The following SMARCA2 variants were observed in gnomAD, a reference collection of about 807,000 sequenced individuals.
The protein encoded by SMARCA2 is SWI/SNF-related matrix-associated actin-dependent regulator of chromatin subfamily A member 2.
Under a neutral mutation model 199.8 loss-of-function variants are expected in SMARCA2, and 61 were observed. The observed-to-expected ratio is 0.31, with a 90% CI of 0.25 to 0.38. The LOEUF is 0.38. Among genes scored for constraint, SMARCA2 ranks in the 10% least tolerant of loss-of-function variants. The pLI is 1.00. For missense variants in SMARCA2, 1,344 were observed against 2,012.2 expected (o/e 0.67, Z 6.35); for synonymous variants, 935 against 732.0 (o/e 1.28, Z -4.48).
chr9:2,018,776 G>A (rs1818473238), intron 1 of SMARCA2, among the ~76,000 whole-genome samples: 1 of 152,162 alleles, frequency 6.6e-6, no homozygotes, highest in Non-Finnish European at 1.5e-5. Flanking sequence ...CATACCCAAT[G>A]TTATGTGTGT....
chr9:2,122,418 T>A (rs893654207), intron 26 of SMARCA2, among the ~76,000 whole-genome samples: 1 of 152,168 alleles, frequency 6.6e-6, no homozygotes, highest in African/African-American at 2.4e-5. Flanking sequence ...GCAACCTCTG[T>A]GTGCCAGTTA....
chr9:2,133,880 C>A (rs903174100), intron 27 of SMARCA2, among the ~76,000 whole-genome samples: 59 of 152,136 alleles, frequency 3.9e-4, no homozygotes, highest in African/African-American at 1.4e-3. Context: ...AGAGTACATG[C>A]CTTGAAATCT....
At position 2,161,906 on chromosome 9, in the gene SMARCA2, G is replaced by T; in HGVS notation, c.4199+3G>T. The T allele has an allele frequency of 6.2e-7, 1 of 1,611,486 alleles. No homozygotes were observed. Among genetic ancestry groups the T allele is most frequent in the Non-Finnish European group, 8.5e-7 (1 of 1,177,890 alleles). ...ACTGTGATAAACTACAAAGATAGGT[G>T]AGTGTTTGGTTCCTTCACCTTGATC... On this transcript the variant is annotated splice_donor_region_variant and intron_variant, in intron 28 of 33. Coordinates refer to ENST00000349721, the MANE Select transcript of SMARCA2 (RefSeq NM_003070.5). The surrounding 1 kb of genome is among the most constrained non-coding windows in gnomAD (Gnocchi z 4.7).
intron 27 of SMARCA2, among the ~76,000 whole-genome samples, chr9:2,133,230 T>C (rs1341566085): frequency 1.3e-5 from 2 of 152,256 alleles, no homozygotes; most frequent in Non-Finnish European, 2.9e-5. Flanking sequence ...TTTAGGAATT[T>C]GTATTATATT....
chr9:2,129,589 G>T (rs1823850326), intron 27 of SMARCA2, among the ~76,000 whole-genome samples: 1 of 152,132 alleles, frequency 6.6e-6, no homozygotes, highest in African/African-American at 2.4e-5. Flanking sequence ...TTTCAATGGG[G>T]TTTCACAATG....
Position 2,047,083 on chromosome 9 carries a change from CTT to C in SMARCA2, c.791-134_791-133del, listed in dbSNP as rs113139565. 2,870 of 381,868 alleles carry C rather than the reference CTT, an allele frequency of 7.5e-3. 11 individuals are homozygous for C. Among genetic ancestry groups the C allele is most frequent in the African/African-American group, 0.025 (1,072 of 43,698 alleles). The allele number at this position is 381,868 out of a possible 1,614,324, so 23.7% of individuals were successfully genotyped here. ...CTCCCTCCTCTTCCTTCTTGCCCTC[CTT>C]TTTTTTTTTTTCCTTCTCTTCCCTC... is the stretch of plus-strand genomic sequence containing the variant. On this transcript the variant is annotated intron_variant, in intron 4 of 33. Transcript: ENST00000349721.
intron 19 of SMARCA2, among the ~76,000 whole-genome samples, chr9:2,091,033 G>A (rs1366818673): frequency 6.6e-6 from 1 of 152,102 alleles, no homozygotes; most frequent in African/African-American, 2.4e-5. Context: ...TACTTTCACA[G>A]CAGTAATTCT....
chr9:2,143,763 G>C (rs1159283100), intron 27 of SMARCA2, among the ~76,000 whole-genome samples: 1 of 152,222 alleles, frequency 6.6e-6, no homozygotes, highest in East Asian at 1.9e-4. Flanking sequence ...TGAAGGAAAA[G>C]TGATAAACTT....
At chr9:2,165,953 G>A (rs1281818822) in intron 28 of SMARCA2, among the ~76,000 whole-genome samples, 1 of 152,152 alleles carries the variant, frequency 6.6e-6, no homozygotes, top group Non-Finnish European at 1.5e-5. Flanking sequence ...ACCTCCATGT[G>A]GACACTGCAG....
At chr9:2,175,949 C>T (rs1185491119) in intron 29 of SMARCA2, among the ~76,000 whole-genome samples, 1 of 151,978 alleles carries the variant, frequency 6.6e-6, no homozygotes, top group Admixed American at 6.6e-5. Context: ...GGCACAATCT[C>T]GGCTCTCTGC....
chr9:2,081,722 C>T (rs992337091), intron 14 of SMARCA2, 110 bp from the exon 15 acceptor site: 2 of 889,288 alleles, frequency 2.2e-6, no homozygotes, highest in African/African-American at 3.3e-5. Context: ...CTGTGGGAAA[C>T]CCAACATACA....
intron 27 of SMARCA2, chr9:2,159,889 C>T (rs746518898): frequency 1.1e-5 from 17 of 1,611,702 alleles, no homozygotes; most frequent in South Asian, 4.4e-5. Flanking sequence ...TTCTGATAGC[C>T]GGCCTGCTGA....
intron 10 of SMARCA2, among the ~76,000 whole-genome samples, chr9:2,072,428 G>A (rs12348666): frequency 0.047 from 7,105 of 152,124 alleles, 564 homozygotes; most frequent in African/African-American, 0.16. Flanking sequence ...CTTAATTTTT[G>A]GTCAATTTGC....
At position 2,029,189 on chromosome 9, in the gene SMARCA2, C is replaced by G. The variant is rs893093652; in HGVS notation, c.167C>G (p.Pro56Arg). Reference protein sequence around the residue: ...PSPGPPSVSHPMPTMGSTDFP... With the variant: ...PSPGPPSVSHRMPTMGSTDFP... The stretch of plus-strand genomic sequence containing the variant: ...CCTGGACCTCCAAGTGTCTCCCATC[C>G]TATGCCGACGATGGGGTCCACAGAC... Residue 56 changes from proline to arginine, a missense_variant, in exon 2 of 34, where the codon CCT (proline) becomes CGT (arginine). Pro to Arg is a moderately radical substitution (Grantham distance 103). Coordinates refer to ENST00000349721, the MANE Select transcript of SMARCA2 (RefSeq NM_003070.5). The G allele has an allele frequency of 1.9e-6, 3 of 1,613,412 alleles. No individual in the cohort carries two copies. The African/African-American group carries it at 4.0e-5, about 22-fold the overall frequency.
At position 2,110,396 on chromosome 9, in the gene SMARCA2, C is replaced by T; in HGVS notation, c.3435C>T (p.Asp1145=). The part of the protein sequence containing the change: ...LQAADTVVIF[D]SDWNPHQDLQ... Reference sequence around the variant, plus strand: ...CAGCTGATACAGTGGTCATCTTTGACAGCGACTGGAATCCTCATCAGGTCT... The same window carrying T: ...CAGCTGATACAGTGGTCATCTTTGATAGCGACTGGAATCCTCATCAGGTCT... The change falls in exon 24 of 34, where the codon GAC becomes GAT. Residue 1145 remains aspartate (D), a synonymous_variant. Coordinates refer to ENST00000349721, the MANE Select transcript of SMARCA2 (RefSeq NM_003070.5). This position sits in a 1 kb window ranked among gnomAD's most constrained non-coding sequence, Gnocchi z 4.8. 1 of 1,611,238 alleles carries T rather than the reference C, an allele frequency of 6.2e-7. No homozygotes were observed. The highest frequency in any genetic ancestry group is 8.5e-7 in the Non-Finnish European group (1 of 1,178,830).
chr9:2,187,228 AT>A (rs71329403), intron 32 of SMARCA2, among the ~76,000 whole-genome samples: 46,466 of 151,902 alleles, frequency 0.31, 7,614 homozygotes, highest in Non-Finnish European at 0.38. Flanking sequence ...TTTTTAAAAT[AT>A]TTACCTTTTA....
rs2130525728 is a variant in SMARCA2, at chr9:2,096,687, G to C, written c.2914G>C (p.Ala972Pro). The C allele has an allele frequency of 1.2e-6, 2 of 1,613,564 alleles. No homozygotes were observed. The highest frequency in any genetic ancestry group is 1.7e-6 in the Non-Finnish European group (2 of 1,179,514). The change falls in exon 20 of 34, where the codon GCT (alanine) becomes CCT (proline). Residue 972 changes from alanine to proline, a missense_variant. Ala to Pro is a conservative substitution (Grantham distance 27). Coordinates refer to ENST00000349721, the MANE Select transcript of SMARCA2 (RefSeq NM_003070.5). ...VEYVIKCDMSALQKILYRHMQ... is the reference protein window; with the variant it reads ...VEYVIKCDMSPLQKILYRHMQ... ...ATATGTGATCAAGTGTGACATGTCAGCTCTGCAGAAGATTCTGTATCGCCA... is the reference window on the plus strand; with the variant it reads ...ATATGTGATCAAGTGTGACATGTCACCTCTGCAGAAGATTCTGTATCGCCA...
intron 14 of SMARCA2, among the ~76,000 whole-genome samples, chr9:2,078,358 G>T (rs1336652113): frequency 6.6e-6 from 1 of 152,022 alleles, no homozygotes; most frequent in Non-Finnish European, 1.5e-5. Flanking sequence ...TGTAATCCCG[G>T]CTACTCTGGA....
intron 1 of SMARCA2, among the ~76,000 whole-genome samples, chr9:2,019,847 T>C (rs1370042735): frequency 6.6e-6 from 1 of 152,046 alleles, no homozygotes; most frequent in African/African-American, 2.4e-5. Flanking sequence ...GAAATCTTCC[T>C]TTGTAAACAA....
Sources: gnomAD v4.1 joint callset for allele counts (sites outside exome capture counted in the v4.1 genomes callset) on GRCh38, gnomAD v4.1.1 for gene constraint, Gnocchi (gnomAD v3.1) non-coding constraint, MANE v1.5 for transcripts, NCBI Gene and HGNC (gene_info 2026-07-23, HGNC 2026-07-21) for gene names.